The following DSC2 variants were observed in gnomAD, a reference collection of about 807,000 sequenced individuals.
DSC2 encodes the protein desmocollin-2.
In DSC2, 51 loss-of-function variants were observed where a neutral mutation model predicts 87.6. The observed-to-expected ratio is 0.58, with a 90% CI of 0.46 to 0.74. The LOEUF is 0.74. Among genes scored for constraint, DSC2 ranks in the 30% least tolerant of loss-of-function variants. The pLI is 0.00. For synonymous variants in DSC2, 383 were observed against 393.2 expected, an observed-to-expected ratio of 0.97 and a Z score of 0.31; for missense variants, 1,066 against 1,089.5, an observed-to-expected ratio of 0.98 and a Z score of 0.30.
chr18:31,101,605 G>C (rs1987959052), intron 1 of DSC2: 1 of 377,300 alleles, frequency 2.7e-6, no homozygotes, highest in East Asian at 4.8e-5. Flanking sequence ...GCTCCCCGGC[G>C]CGTACCCAGG....
chr18:31,062,266 C>G lies in DSC2; in HGVS notation c.*5749G>C, dbSNP rs558569911. 9.3e-4 allele frequency: 142 copies of G among 152,238 alleles called. No individual in the cohort carries two copies. The highest frequency in any genetic ancestry group is 3.3e-3 in the African/African-American group (138 of 41,538). The allele number at this position is 152,238 out of a possible 1,614,324, so 9.4% of individuals were successfully genotyped here. A position where few individuals can be genotyped will look rare whatever the true frequency, so the allele number is the denominator to read the frequency against. ...TGGTTTCTCAAGATATTTTTTGAAG[C>G]AAGGCCTGACTTACAACATTTTATA... On this transcript the variant is annotated 3_prime_UTR_variant, in exon 16 of 16. Coordinates refer to ENST00000280904, the MANE Select transcript of DSC2 (RefSeq NM_024422.6).
chr18:31,101,487 C>G (rs1172201101), intron 1 of DSC2: 1 of 117,586 alleles, frequency 8.5e-6, no homozygotes, highest in Non-Finnish European at 1.5e-5. Flanking sequence ...CGCACGTTCC[C>G]GGGGAAGGTG....
intron 4 of DSC2, among the ~76,000 whole-genome samples, chr18:31,090,022 T>C (rs897343107): frequency 1.3e-5 from 2 of 152,160 alleles, no homozygotes; most frequent in Non-Finnish European, 2.9e-5. Context: ...ATGTGGACAA[T>C]AATTTCCTTA....
In DSC2 at chr18:31,080,104, A is replaced by C. The variant is rs777416936; in HGVS notation, c.1512T>G (p.Ser504Arg). 3 of 1,614,020 alleles carry C rather than the reference A, an allele frequency of 1.9e-6. No individual in the cohort carries two copies. Among genetic ancestry groups the C allele is most frequent in the Non-Finnish European group, 2.5e-6 (3 of 1,180,018 alleles). ...KAYDPETRSS[S>R]GIRYKKLTDP... ...AATAGAATGGTAAGTACCTTATGCC[A>C]CTGCTACTTCTTGTTTCTGGGTCAT... The change falls in exon 10 of 16, where the codon AGT becomes AGG. Residue 504 changes from serine to arginine, a missense_variant. Ser to Arg is a moderately radical substitution (Grantham distance 110, BLOSUM62 -1). Coordinates refer to ENST00000280904, the MANE Select transcript of DSC2 (RefSeq NM_024422.6).
In DSC2 at chr18:31,079,972, T is replaced by C. The variant is rs777198363; in HGVS notation, c.1538A>G (p.Asp513Gly). The change falls in exon 11 of 16, where the codon GAT becomes GGT. Residue 513 changes from aspartate (D) to glycine (G), a missense_variant. Coordinates refer to ENST00000280904, the MANE Select transcript of DSC2 (RefSeq NM_024422.6). ...ATCAATGGTGACCCACCCTGTTGGA[T>C]CAGTTAATTTCTTATACCTGTTGGT... ...SSGIRYKKLT[D>G]PTGWVTIDEN... 7 of 1,613,944 alleles carry C rather than the reference T, an allele frequency of 4.3e-6. No individual in the cohort carries two copies. The East Asian group carries it at 8.9e-5, about 21-fold the overall frequency.
At chr18:31,073,779 G>A (rs1263888615) in intron 12 of DSC2, among the ~76,000 whole-genome samples, 1 of 152,186 alleles carries the variant, frequency 6.6e-6, no homozygotes, top group East Asian at 1.9e-4. Flanking sequence ...AATGTAGACA[G>A]GTTGCCTTCA....
rs557275898 is a variant in DSC2, at chr18:31,066,792, A to G, written c.*1223T>C. 3 of 152,132 alleles carry G rather than the reference A, an allele frequency of 2.0e-5. No individual in the cohort carries two copies. The highest frequency in any genetic ancestry group is 1.3e-4 in the Admixed American group (2 of 15,268). The allele number at this position is 152,132 out of a possible 1,614,324, so 9.4% of individuals were successfully genotyped here. A position where few individuals can be genotyped will look rare whatever the true frequency, so the allele number is the denominator to read the frequency against. Reference sequence around the variant, plus strand: ...TAAAAAAATAACTTTACAAACACACAGATATGACTAGCCATTTTATCTAAG... The same window carrying G: ...TAAAAAAATAACTTTACAAACACACGGATATGACTAGCCATTTTATCTAAG... On this transcript the variant is annotated 3_prime_UTR_variant, in exon 16 of 16. Transcript: ENST00000280904.
At chr18:31,075,737 C>T (rs1986993561) in intron 11 of DSC2, among the ~76,000 whole-genome samples, 1 of 152,096 alleles carries the variant, frequency 6.6e-6, no homozygotes, top group Non-Finnish European at 1.5e-5. Flanking sequence ...ATAATATCAG[C>T]TACTCGGGAG....
rs375772629 is a variant in DSC2, at chr18:31,091,142, T to C, written c.360A>G (p.Leu120=). Residue 120 remains leucine, a synonymous_variant, in exon 4 of 16, where the codon CTA becomes CTG. Transcript: ENST00000280904. ...CTTTTTCTTTAGTATGTCTTTTCTT[T>C]AGGACCTCAATTCATAAGACAGGAA... ...FVFLEHQTKV[L]KKRHTKEKVL... The C allele has an allele frequency of 8.1e-5, 130 of 1,613,800 alleles. No homozygotes were observed. The highest frequency in any genetic ancestry group is 1.1e-4 in the Non-Finnish European group (128 of 1,179,886).
chr18:31,060,958 T>A lies in DSC2; in HGVS notation c.*7057A>T, dbSNP rs546281098. 6.6e-6 allele frequency: 1 copy of A among 152,316 alleles called. No homozygotes were observed. Among genetic ancestry groups the A allele is most frequent in the African/African-American group, 2.4e-5 (1 of 41,574 alleles). The allele number at this position is 152,316 out of a possible 1,614,324, so 9.4% of individuals were successfully genotyped here. A position where few individuals can be genotyped will look rare whatever the true frequency, so the allele number is the denominator to read the frequency against. The stretch of plus-strand genomic sequence containing the variant: ...AAAGGCAAATTTTAAATACTTAAGT[T>A]TCATAAACCACCAAATAATCAATAA... On this transcript the variant is annotated 3_prime_UTR_variant, in exon 16 of 16. Transcript: ENST00000280904.
chr18:31,070,297 G>C (rs1598571867), intron 14 of DSC2, among the ~76,000 whole-genome samples: 2 of 152,266 alleles, frequency 1.3e-5, no homozygotes, highest in South Asian at 4.1e-4. Flanking sequence ...CCATATTAGA[G>C]CCAGAAAGAA....
At chr18:31,083,081 T>C (rs28685860) in intron 7 of DSC2, 21 bp from the exon 8 acceptor site, 31 of 1,604,888 alleles carry the variant, frequency 1.9e-5, no homozygotes, top group Non-Finnish European at 2.5e-5. Flanking sequence ...AAAAAGAATT[T>C]AATTATTGGG....
chr18:31,097,334 A>AATGCCAAGGAGTAAATTTAACAAG (rs2144859571), intron 1 of DSC2, among the ~76,000 whole-genome samples: 2 of 151,830 alleles, frequency 1.3e-5, no homozygotes, highest in South Asian at 4.1e-4. Context: ...TAAAAGTTGA[A>AATGCCAAGGAGTAAATTTAACAAG]ATGCCAAGGA....
rs748439894 is a variant in DSC2 at position 31,080,274 on chromosome 18, T to C, written c.1342A>G (p.Ser448Gly). The change falls in exon 10 of 16, where the codon AGT becomes GGT. Residue 448 changes from serine to glycine, a missense_variant. Transcript: ENST00000280904. ...GCTGTGCTCATGGCTGATCTTGGAC[T>C]AGCCTCTCTGGAAAATGGAGCTTCA... ...VNEAPFSREA[S>G]PRSAMSTATV... 3.7e-6 allele frequency: 6 copies of C among 1,614,090 alleles called. No individual in the cohort carries two copies. The highest frequency in any genetic ancestry group is 4.2e-6 in the Non-Finnish European group (5 of 1,179,980).
chr18:31,099,500 G>A (rs1987865550), intron 1 of DSC2, among the ~76,000 whole-genome samples: 1 of 151,436 alleles, frequency 6.6e-6, no homozygotes, highest in Admixed American at 6.6e-5. Flanking sequence ...CTCATGTTAT[G>A]TCATTTTTAC....
rs537210141 is a variant in DSC2, at chr18:31,073,739, G to A, written c.1888+944C>T. On this transcript the variant is annotated intron_variant, in intron 12 of 15. Coordinates refer to ENST00000280904, the MANE Select transcript of DSC2 (RefSeq NM_024422.6). ...GATGGGGAACATGCTGAAGAGTTAC[G>A]CGCCAACTAGGGAATGAGGCAGTGG... Among the ~76,000 whole-genome samples, 205 of 152,218 alleles carry A rather than the reference G, an allele frequency of 1.3e-3. 2 individuals are homozygous for A. Among genetic ancestry groups the A allele is most frequent in the Admixed American group, 1.3e-3 (20 of 15,278 alleles).
chr18:31,100,145 G>T (rs908924465), intron 1 of DSC2, among the ~76,000 whole-genome samples: 2 of 152,194 alleles, frequency 1.3e-5, no homozygotes, highest in African/African-American at 4.8e-5. Flanking sequence ...GCACAGATGT[G>T]CACAGAGCAA....
chr18:31,084,455 A>G (rs954069738), intron 7 of DSC2, among the ~76,000 whole-genome samples: 4 of 152,158 alleles, frequency 2.6e-5, no homozygotes, highest in African/African-American at 9.6e-5. Context: ...TTCAGATGGA[A>G]GAGAAATTCT....
chr18:31,068,882 A>C lies in DSC2; in HGVS notation c.2508+12T>G. 4 of 1,612,908 alleles carry C rather than the reference A, an allele frequency of 2.5e-6. No individual in the cohort carries two copies. Among genetic ancestry groups the C allele is most frequent in the Non-Finnish European group, 3.4e-6 (4 of 1,180,004 alleles). ...ATTAAAATAGATTTGTAGGCCACTT[A>C]GGAAAACTCACTTCACCAAGACGGG... On this transcript the variant is annotated intron_variant, in intron 15 of 15. Coordinates refer to ENST00000280904, the MANE Select transcript of DSC2 (RefSeq NM_024422.6).
Sources: gnomAD v4.1 joint callset for allele counts (sites outside exome capture counted in the v4.1 genomes callset) on GRCh38, gnomAD v4.1.1 for gene constraint, MANE v1.5 for transcripts, NCBI Gene and HGNC (gene_info 2026-07-23, HGNC 2026-07-21) for gene names.